Variants in COL4A6 observed in about 807,000 individuals in gnomAD.
The protein encoded by COL4A6 is collagen alpha-6(IV) chain.
Under a neutral mutation model 126.7 loss-of-function variants are expected in COL4A6, and 59 were observed. The observed-to-expected ratio is 0.47, with a 90% CI of 0.38 to 0.58. COL4A6 has a LOEUF of 0.58. Ranked by LOEUF, COL4A6 falls within the 20% of genes least tolerant of loss-of-function variation. The pLI, the probability that COL4A6 is intolerant of heterozygous loss-of-function variation, is 0.00. For synonymous variants in COL4A6, 547 were observed against 496.6 expected, an observed-to-expected ratio of 1.10 and a Z score of -1.35; for missense variants, 1,285 against 1,337.3, an observed-to-expected ratio of 0.96 and a Z score of 0.61.
chrX:108,376,941 G>A (rs1018498358), intron 2 of COL4A6, among the ~76,000 whole-genome samples: 5 of 112,509 alleles, frequency 4.4e-5, no homozygotes, highest in Admixed American at 9.4e-5. Flanking sequence ...AAAAGAAACA[G>A]ACACAGAGAA....
At chrX:108,364,527 A>G (rs1244669485) in intron 2 of COL4A6, among the ~76,000 whole-genome samples, 1 of 111,143 alleles carries the variant, frequency 9.0e-6, no homozygotes, top group Non-Finnish European at 1.9e-5. Context: ...TAGTGTATTC[A>G]TCACACGAAC....
intron 2 of COL4A6, among the ~76,000 whole-genome samples, chrX:108,349,633 C>T (rs2039794848): frequency 9.0e-6 from 1 of 111,583 alleles, no homozygotes; most frequent in Non-Finnish European, 1.9e-5. Context: ...CCAATAAATG[C>T]TTGCTGTAAT....
chrX:108,249,014 T>C (rs1377917323), intron 3 of COL4A6, among the ~76,000 whole-genome samples: 1 of 110,059 alleles, frequency 9.1e-6, no homozygotes, highest in Non-Finnish European at 1.9e-5. Flanking sequence ...TGGGACCATC[T>C]AGTTGCAGGA....
At chrX:108,168,554 C>A (rs918034201) in intron 37 of COL4A6, among the ~76,000 whole-genome samples, 3 of 112,218 alleles carry the variant, frequency 2.7e-5, no homozygotes, top group Non-Finnish European at 3.8e-5. Context: ...CCCCAGGTAA[C>A]ATGCAATAAT....
intron 2 of COL4A6, among the ~76,000 whole-genome samples, chrX:108,434,521 A>G (rs2064228606): frequency 9.0e-6 from 1 of 111,114 alleles, no homozygotes; most frequent in Non-Finnish European, 1.9e-5. Flanking sequence ...GAAACTGATT[A>G]CACTGAAATA....
intron 2 of COL4A6, among the ~76,000 whole-genome samples, chrX:108,367,505 T>C (rs745410555): frequency 2.1e-4 from 24 of 111,853 alleles, no homozygotes; most frequent in Admixed American, 6.6e-4. Context: ...ATTGTAATTA[T>C]ATAGAGCCAA....
chrX:108,212,450 T>C (rs1411768840), intron 6 of COL4A6, among the ~76,000 whole-genome samples: 8 of 111,584 alleles, frequency 7.2e-5, no homozygotes, highest in African/African-American at 2.6e-4. Context: ...GCTGTCTTAC[T>C]GGCAGATGCT....
chrX:108,247,565 C>T (rs1419631843), intron 3 of COL4A6, among the ~76,000 whole-genome samples: 1 of 109,055 alleles, frequency 9.2e-6, no homozygotes, highest in Non-Finnish European at 1.9e-5. Flanking sequence ...CAACTTGAGG[C>T]CTCAGACTTG....
chrX:108,329,987 C>T (rs1168844671), intron 2 of COL4A6, among the ~76,000 whole-genome samples: 4 of 110,250 alleles, frequency 3.6e-5, no homozygotes, highest in Non-Finnish European at 7.6e-5. Flanking sequence ...AAAATGAGTT[C>T]GGTTTTGGAC....
intron 3 of COL4A6, among the ~76,000 whole-genome samples, chrX:108,310,291 T>C (rs972783401): frequency 8.9e-6 from 1 of 112,034 alleles, no homozygotes; most frequent in African/African-American, 3.2e-5. Context: ...CCTATATTTC[T>C]GGACTTTATG....
intron 2 of COL4A6, among the ~76,000 whole-genome samples, chrX:108,432,145 T>C (rs778510755): frequency 6.2e-5 from 7 of 112,472 alleles, no homozygotes; most frequent in Admixed American, 1.9e-4. Flanking sequence ...GTTATAAAGC[T>C]GGATGCACAC....
chrX:108,307,078 C>T (rs749259255), intron 3 of COL4A6, among the ~76,000 whole-genome samples: 10 of 102,236 alleles, frequency 9.8e-5, no homozygotes, highest in Non-Finnish European at 1.9e-4. Flanking sequence ...GAAATGTCAA[C>T]CTAAAATGTT....
intron 2 of COL4A6, among the ~76,000 whole-genome samples, chrX:108,375,814 AAC>A (rs1443484380): frequency 9.0e-6 from 1 of 110,774 alleles, no homozygotes; most frequent in Middle Eastern, 4.2e-3. Context: ...GTGATTTCCC[AAC>A]ACAGTCACAC....
chrX:108,420,942 T>C (rs893214025), intron 2 of COL4A6, among the ~76,000 whole-genome samples: 3 of 111,907 alleles, frequency 2.7e-5, no homozygotes, highest in Admixed American at 1.9e-4. Flanking sequence ...CTGAGGTCCT[T>C]AAAAGTGACC....
chrX:108,268,062 A>G (rs1484230049), intron 3 of COL4A6: 1 of 112,233 alleles, frequency 8.9e-6, no homozygotes, highest in African/African-American at 3.2e-5. Flanking sequence ...AAGCAGAAAT[A>G]TAAGTGTTCA....
At chrX:108,420,750 A>G (rs916578992) in intron 2 of COL4A6, among the ~76,000 whole-genome samples, 1 of 112,024 alleles carries the variant, frequency 8.9e-6, no homozygotes, top group Non-Finnish European at 1.9e-5. Flanking sequence ...TGCTCCAAGT[A>G]AATAGTGATT....
At chrX:108,340,644 T>C (rs2039538868) in intron 2 of COL4A6, among the ~76,000 whole-genome samples, 2 of 110,528 alleles carry the variant, frequency 1.8e-5, no homozygotes, top group Admixed American at 1.9e-4. Flanking sequence ...GTAAGTAAAA[T>C]GAATGAAAAC....
intron 23 of COL4A6, 144 bp from the exon 24 acceptor site, chrX:108,181,112 G>A: frequency 2.1e-6 from 1 of 487,001 alleles, no homozygotes; most frequent in Non-Finnish European, 3.5e-6. Context: ...GGAAAACCTT[G>A]GCATCATTAG....
At chrX:108,177,230 C>A (rs1425387531) in intron 27 of COL4A6, among the ~76,000 whole-genome samples, 1 of 112,626 alleles carries the variant, frequency 8.9e-6, no homozygotes, top group Non-Finnish European at 1.9e-5. Flanking sequence ...GTTATTACTT[C>A]CAGCATGGCA....
Sources: allele counts gnomAD v4.1 joint callset (sites outside exome capture counted in the v4.1 genomes callset), GRCh38; gene constraint gnomAD v4.1.1; transcripts MANE v1.5; gene names NCBI Gene and HGNC (gene_info 2026-07-23, HGNC 2026-07-21).